GPC5: variants seen among roughly 807,000 people sequenced by gnomAD.
The protein encoded by GPC5 is glypican-5.
GPC5 carries 47 observed loss-of-function variants against 53.9 expected under a neutral mutation model. The ratio of observed to expected loss-of-function variants is 0.87; its 90% CI spans 0.69 to 1.11. GPC5 has a LOEUF of 1.11. Among genes scored for constraint, GPC5 ranks in the 50% most tolerant of loss-of-function variants. The probability of loss-of-function intolerance (pLI) is 0.00; values close to 1 mark genes in which losing one functional copy is unlikely to be tolerated. For synonymous variants in GPC5, 286 were observed against 263.3 expected, an observed-to-expected ratio of 1.09 and a Z score of -0.84; for missense variants, 748 against 713.1, an observed-to-expected ratio of 1.05 and a Z score of -0.56.
chr13:92,037,134 T>C (rs2040899787), intron 6 of GPC5, among the ~76,000 whole-genome samples: 1 of 152,162 alleles, frequency 6.6e-6, no homozygotes, highest in Non-Finnish European at 1.5e-5. Context: ...ATTCTGTCTA[T>C]TGCCTAACTC....
intron 7 of GPC5, among the ~76,000 whole-genome samples, chr13:92,789,223 C>T (rs936070785): frequency 2.0e-5 from 3 of 152,090 alleles, no homozygotes; most frequent in African/African-American, 7.2e-5. Context: ...GGCAATTCCA[C>T]TGTTCTCATG....
rs77743597 is a variant in GPC5 at position 92,441,710 on chromosome 13, C to G, written c.1561+296721C>G. On this transcript the variant is annotated intron_variant, in intron 7 of 7. Transcript: ENST00000377067. ...AGACACAAATAAATGGACAAACATT[C>G]CATGCTTATAAACTGGAAAAATCAC... is the stretch of plus-strand genomic sequence containing the variant. Among the ~76,000 whole-genome samples, 7 of 152,252 alleles carry G rather than the reference C, an allele frequency of 4.6e-5. No homozygotes were observed. The East Asian group carries it at 1.2e-3, about 25-fold the overall frequency.
At chr13:91,845,342 A>C (rs1051858994) in intron 5 of GPC5, among the ~76,000 whole-genome samples, 64 of 152,140 alleles carry the variant, frequency 4.2e-4, no homozygotes, top group African/African-American at 1.4e-3. Flanking sequence ...GCTTTATTAA[A>C]ATATAATTGA....
intron 6 of GPC5, among the ~76,000 whole-genome samples, chr13:91,987,002 T>C (rs541458123): frequency 1.3e-5 from 2 of 152,292 alleles, no homozygotes; most frequent in Non-Finnish European, 2.9e-5. Context: ...TGTCAGTTGG[T>C]AAGCAAAGTA....
At chr13:91,572,192 C>T (rs201936831) in intron 2 of GPC5, among the ~76,000 whole-genome samples, 75,876 of 110,204 alleles carry the variant, frequency 0.69, 26,732 homozygotes, top group East Asian at 0.8. Flanking sequence ...TGTGTATACA[C>T]ACACATATGT....
At chr13:92,732,515 A>AG (rs1330560542) in intron 7 of GPC5, among the ~76,000 whole-genome samples, 1 of 150,652 alleles carries the variant, frequency 6.6e-6, no homozygotes, top group East Asian at 2.0e-4. Context: ...TCTTTGATTT[A>AG]GTGATTTTCT....
At chr13:91,457,577 C>T (rs567112150) in intron 2 of GPC5, among the ~76,000 whole-genome samples, 1 of 152,058 alleles carries the variant, frequency 6.6e-6, no homozygotes, top group South Asian at 2.1e-4. Context: ...GACAATGCAC[C>T]CTGCCGCAGC....
chr13:92,222,904 C>T lies in GPC5; in HGVS notation c.1561+77915C>T, dbSNP rs34967286. Among the ~76,000 whole-genome samples the T allele has an allele frequency of 8.1e-3, 1,227 of 152,164 alleles. 5 individuals are homozygous for T. Among genetic ancestry groups the T allele is most frequent in the Non-Finnish European group, 0.013 (899 of 67,992 alleles). On this transcript the variant is annotated intron_variant, in intron 7 of 7. Transcript: ENST00000377067. ...ATTATAATAGTTTGATGGCAAATATCAGTATGTACCAGCTATTGGGCTGCA... is the reference window on the plus strand; with the variant it reads ...ATTATAATAGTTTGATGGCAAATATTAGTATGTACCAGCTATTGGGCTGCA...
chr13:92,537,034 T>G (rs913721414), intron 7 of GPC5, among the ~76,000 whole-genome samples: 4 of 152,098 alleles, frequency 2.6e-5, no homozygotes, highest in African/African-American at 9.7e-5. Context: ...TATATCTCCT[T>G]GTTTTTAGCT....
Position 91,879,285 on chromosome 13 carries a change from A to C in GPC5, c.1281-28652A>C, listed in dbSNP as rs561325008. Among the ~76,000 whole-genome samples, 21 of 152,346 alleles carry C rather than the reference A, an allele frequency of 1.4e-4. No individual in the cohort carries two copies. The South Asian group carries it at 4.3e-3, about 32-fold the overall frequency. On this transcript the variant is annotated intron_variant, in intron 5 of 7. Coordinates refer to ENST00000377067, the MANE Select transcript of GPC5 (RefSeq NM_004466.6). ...GAACTAAATAGTAAAAGTGTGCATC[A>C]GTTTAAGATAGTTATTTTTAGTCAT...
chr13:92,026,631 A>G (rs2040803216), intron 6 of GPC5, among the ~76,000 whole-genome samples: 1 of 152,038 alleles, frequency 6.6e-6, no homozygotes, highest in African/African-American at 2.4e-5. Context: ...ATTTTTCTTA[A>G]GCATACCTAC....
chr13:92,392,260 C>G (rs1875039886), intron 7 of GPC5, among the ~76,000 whole-genome samples: 1 of 152,010 alleles, frequency 6.6e-6, no homozygotes, highest in African/African-American at 2.4e-5. Flanking sequence ...GGACAGATGT[C>G]TATAGTTTGA....
intron 6 of GPC5, among the ~76,000 whole-genome samples, chr13:91,972,621 T>C (rs2040254841): frequency 6.6e-6 from 1 of 152,198 alleles, no homozygotes; most frequent in Non-Finnish European, 1.5e-5. Context: ...TTCCTTTCCA[T>C]GTTTAGTGCT....
At chr13:92,816,314 T>C (rs965411120) in intron 7 of GPC5, among the ~76,000 whole-genome samples, 2 of 152,072 alleles carry the variant, frequency 1.3e-5, no homozygotes, top group Non-Finnish European at 2.9e-5. Flanking sequence ...ACCAGATCCA[T>C]AGACTTGAGC....
At chr13:92,375,947 T>G (rs1433645271) in intron 7 of GPC5, among the ~76,000 whole-genome samples, 2 of 151,848 alleles carry the variant, frequency 1.3e-5, no homozygotes, top group African/African-American at 2.4e-5. Context: ...TTGTCAAGTC[T>G]TCCTATTATA....
At chr13:92,525,032 G>C (rs1881219060) in intron 7 of GPC5, among the ~76,000 whole-genome samples, 1 of 152,048 alleles carries the variant, frequency 6.6e-6, no homozygotes, top group African/African-American at 2.4e-5. Context: ...ACAAGTTCAT[G>C]CATTGAATTT....
intron 2 of GPC5, among the ~76,000 whole-genome samples, chr13:91,692,860 T>A (rs572530606): frequency 6.6e-6 from 1 of 152,308 alleles, no homozygotes; most frequent in South Asian, 2.1e-4. Flanking sequence ...GTCTGGCTGG[T>A]CTCGAACTCT....
At chr13:92,499,037 G>T (rs1202197063) in intron 7 of GPC5, among the ~76,000 whole-genome samples, 1 of 152,052 alleles carries the variant, frequency 6.6e-6, no homozygotes, top group African/African-American at 2.4e-5. Flanking sequence ...ATCCTAAGTA[G>T]TAGAGTGTGA....
chr13:92,622,150 T>C (rs1884895172), intron 7 of GPC5, among the ~76,000 whole-genome samples: 1 of 152,154 alleles, frequency 6.6e-6, no homozygotes. Context: ...CAGAAGAAAG[T>C]ATGGAGGAAA....
Sources: gnomAD v4.1 joint callset for allele counts (sites outside exome capture counted in the v4.1 genomes callset) on GRCh38, gnomAD v4.1.1 for gene constraint, MANE v1.5 for transcripts, NCBI Gene and HGNC (gene_info 2026-07-23, HGNC 2026-07-21) for gene names.